Variants in CDCP2 observed in about 807,000 individuals in gnomAD.
The protein encoded by CDCP2 is CUB domain-containing protein 2.
A neutral mutation model predicts 31.0 loss-of-function variants in CDCP2; 31 were observed. The ratio of observed to expected loss-of-function variants is 1.00; its 90% CI spans 0.75 to 1.35. The LOEUF (loss-of-function observed/expected upper bound fraction) is 1.35, where lower values mean the gene tolerates loss of function less well. CDCP2 is among the 40% of genes most tolerant of loss of function. The probability of loss-of-function intolerance (pLI) is 0.00; values close to 1 mark genes in which losing one functional copy is unlikely to be tolerated. For missense variants in CDCP2, 443 were observed against 482.6 expected (o/e 0.92, Z 0.77); for synonymous variants, 206 against 207.9 (o/e 0.99, Z 0.08).
chr1:54,135,687 G>A (rs565231825), intron 5 of CDCP2, among the ~76,000 whole-genome samples: 4 of 152,242 alleles, frequency 2.6e-5, no homozygotes, highest in Admixed American at 2.0e-4. Flanking sequence ...TAGGGGGAGG[G>A]CAGAATACCT....
intron 5 of CDCP2, 81 bp downstream of exon 5, chr1:54,136,549 G>A (rs1308782206): frequency 1.0e-5 from 4 of 398,828 alleles, no homozygotes; most frequent in Middle Eastern, 6.2e-4. Context: ...GCCAGGAGAA[G>A]CTGAATTTTC....
At chr1:54,148,334 T>G (rs1659511076) in intron 1 of CDCP2, among the ~76,000 whole-genome samples, 1 of 141,984 alleles carries the variant, frequency 7.0e-6, no homozygotes, top group African/African-American at 2.7e-5. Flanking sequence ...AGCCTAGGCA[T>G]AGCAAGACCC....
upstream of CDCP2, chr1:54,153,000 G>A (rs970036362): frequency 4.3e-6 from 6 of 1,388,510 alleles, no homozygotes; most frequent in African/African-American, 7.1e-5. Context: ...GGGAAAGAGA[G>A]GTGAGGCTGA....
chr1:54,140,017 A>G, exon 4 of CDCP2: 1 of 1,614,016 alleles, frequency 6.2e-7, no homozygotes. Context: ...CGGATGGTCC[A>G]GTGGCAGCGG....
chr1:54,141,637 C>T, intron 2 of CDCP2: 1 of 538,652 alleles, frequency 1.9e-6, no homozygotes, highest in Non-Finnish European at 3.3e-6. Context: ...CTGTTCAAAT[C>T]CTCAGAGTAG....
chr1:54,147,958 C>A (rs1659504387), intron 1 of CDCP2, among the ~76,000 whole-genome samples: 1 of 148,904 alleles, frequency 6.7e-6, no homozygotes. Flanking sequence ...GCTACAGTGA[C>A]CCATGGTGGA....
At chr1:54,138,880 G>A (rs633861) in intron 4 of CDCP2, 6,936 of 152,586 alleles carry the variant, frequency 0.045, 274 homozygotes, top group African/African-American at 0.1. Context: ...CCAGGAAGAG[G>A]GCACAATAGG....
chr1:54,141,272 C>T, exon 3 of CDCP2: 6 of 1,614,254 alleles, frequency 3.7e-6, no homozygotes, highest in African/African-American at 1.3e-5. Flanking sequence ...TAGGTGCACT[C>T]TTCATTGCCC....
rs1553173736 is a variant in CDCP2, at chr1:54,139,646, G to GGTT, written c.1117+106_1117+107insAAC. On this transcript the variant is annotated intron_variant, in intron 4 of 5. Transcript: ENST00000530059. ...GAAGGAGCTGGAGAAGACCATTCAT[G>GGTT]GGGGGGGCAGGACAAACTGGTGGGA... is the stretch of plus-strand genomic sequence containing the variant. 22 of 1,581,592 alleles carry GGTT rather than the reference G, an allele frequency of 1.4e-5. No individual in the cohort carries two copies. In the South Asian group the frequency reaches 2.5e-4, roughly 18 times the overall value.
chr1:54,136,286 G>A (rs1305421108), intron 5 of CDCP2, among the ~76,000 whole-genome samples: 1 of 152,210 alleles, frequency 6.6e-6, no homozygotes, highest in Non-Finnish European at 1.5e-5. Flanking sequence ...ACTGCTGGCA[G>A]CTCAGCCAGC....
At chr1:54,146,347 T>G (rs1659470851) in intron 1 of CDCP2, among the ~76,000 whole-genome samples, 1 of 151,614 alleles carries the variant, frequency 6.6e-6, no homozygotes, top group Non-Finnish European at 1.5e-5. Context: ...ACCCAGCTAA[T>G]TTTTGTATTT....
At chr1:54,139,823 G>A (rs1467131399) in exon 4 of CDCP2, 2 of 1,614,096 alleles carry the variant, frequency 1.2e-6, no homozygotes, top group Admixed American at 1.7e-5. Context: ...GCAGAAGCTG[G>A]TTGTGGCTTG....
At chr1:54,139,644 A>AT in intron 4 of CDCP2, 109 bp downstream of exon 4, 2 of 1,377,060 alleles carry the variant, frequency 1.5e-6, no homozygotes, top group East Asian at 2.8e-5. Flanking sequence ...AAGACCATTC[A>AT]TGGGGGGGGC....
intron 4 of CDCP2, chr1:54,139,386 C>T: frequency 2.9e-6 from 2 of 681,302 alleles, no homozygotes. Context: ...CACAGTTATA[C>T]CAATTTTTTT....
At chr1:54,144,307 C>T in intron 2 of CDCP2, 159 bp downstream of exon 2, 1 of 646,754 alleles carries the variant, frequency 1.5e-6, no homozygotes, top group Non-Finnish European at 2.6e-6. Flanking sequence ...CACCTGAGCC[C>T]TGCTGCTATC....
rs950954431 is a variant in CDCP2 at position 54,139,865 on chromosome 1, C to T, written c.1005G>A (p.Trp335Ter). The T allele has an allele frequency of 1.9e-6, 3 of 1,614,012 alleles. No individual in the cohort carries two copies. The highest frequency in any genetic ancestry group is 2.5e-6 in the Non-Finnish European group (3 of 1,179,964). The change falls in exon 4 of 6, where the codon TGG becomes TGA. Residue 335 changes from tryptophan to a stop codon, truncating the protein, a stop_gained. Coordinates refer to ENST00000530059, the Ensembl canonical transcript of CDCP2. LOFTEE classifies it high-confidence loss of function. ...CGGGTGGTGGCAGGTGGTGTCCACA[C>T]CAATTCCCCAGCAGGGGTGCCTCCT...
intron 5 of CDCP2, among the ~76,000 whole-genome samples, chr1:54,134,147 C>T (rs1327948783): frequency 6.6e-6 from 1 of 152,208 alleles, no homozygotes; most frequent in African/African-American, 2.4e-5. Context: ...GACATGACTA[C>T]TGAGGCCTGG....
chr1:54,152,808 C>T (rs1480732414), intron 1 of CDCP2, 36 bp downstream of exon 1: 2 of 1,582,448 alleles, frequency 1.3e-6, no homozygotes, highest in Non-Finnish European at 1.7e-6. Flanking sequence ...CCACCTCCTT[C>T]CCCTCTCAGT....
chr1:54,148,977 AT>A (rs1659527175), intron 1 of CDCP2, among the ~76,000 whole-genome samples: 1 of 140,174 alleles, frequency 7.1e-6, no homozygotes, highest in South Asian at 2.1e-4. Flanking sequence ...AAAAAAAAAT[AT>A]ATATATATAT....
Sources: gnomAD v4.1 joint callset for allele counts (sites outside exome capture counted in the v4.1 genomes callset) on GRCh38, gnomAD v4.1.1 for gene constraint, MANE v1.5 for transcripts, NCBI Gene and HGNC (gene_info 2026-07-23, HGNC 2026-07-21) for gene names.